Variants in ANPEP observed in about 807,000 individuals in gnomAD.
The protein encoded by ANPEP is aminopeptidase N.
ANPEP carries 70 observed loss-of-function variants against 114.6 expected under a neutral mutation model. The observed-to-expected ratio is 0.61, with a 90% CI of 0.50 to 0.75. ANPEP has a LOEUF of 0.75. Ranked by LOEUF, ANPEP falls within the 30% of genes least tolerant of loss-of-function variation. The pLI, the probability that ANPEP is intolerant of heterozygous loss-of-function variation, is 0.00. For missense variants in ANPEP, 1,184 were observed against 1,259.5 expected (o/e 0.94, Z 0.91); for synonymous variants, 548 against 522.3 (o/e 1.05, Z -0.67).
rs1226228894 is a variant in ANPEP, at chr15:89,793,056, A to T, written c.2228T>A (p.Ile743Asn). The change falls in exon 16 of 21, where the codon ATC (isoleucine) becomes AAC (asparagine). Residue 743 changes from isoleucine to asparagine, a missense_variant. By Grantham distance (149) the Ile-to-Asn change is moderately radical (BLOSUM62 -3). Transcript: ENST00000300060. The part of the protein sequence containing the change: ...FRNNTNNWRE[I>N]PENLMDQYSE... Reference sequence around the variant, plus strand: ...TCACTGGTCCATCAGGTTTTCTGGGATCTCCCTCCAGTTGTTGGTATTATT... The same window carrying T: ...TCACTGGTCCATCAGGTTTTCTGGGTTCTCCCTCCAGTTGTTGGTATTATT... 6.2e-7 allele frequency: 1 copy of T among 1,614,020 alleles called. No individual in the cohort carries two copies. The highest frequency in any genetic ancestry group is 8.5e-7 in the Non-Finnish European group (1 of 1,180,000).
At chr15:89,814,507 C>G (rs867854387) in intron 1 of ANPEP, among the ~76,000 whole-genome samples, 84 of 152,250 alleles carry the variant, frequency 5.5e-4, no homozygotes, top group Middle Eastern at 6.8e-3. Flanking sequence ...CTGGGGCCCC[C>G]TCCCCAGATG....
chr15:89,803,661 T>C lies in ANPEP; in HGVS notation c.1423A>G (p.Ile475Val). The C allele has an allele frequency of 6.2e-7, 1 of 1,611,796 alleles. No individual in the cohort carries two copies. Among genetic ancestry groups the C allele is most frequent in the Non-Finnish European group, 8.5e-7 (1 of 1,178,746 alleles). Reference sequence around the variant, plus strand: ...GCGGGCTGCACCTTGCTGTAGGAGATGGCGTCAAACAGCTCACTGATCTGG... The same window carrying C: ...GCGGGCTGCACCTTGCTGTAGGAGACGGCGTCAAACAGCTCACTGATCTGG... ...PAQISELFDA[I>V]SYSKGASVLR... Residue 475 changes from isoleucine (I) to valine (V), a missense_variant, in exon 8 of 21, where the codon ATC becomes GTC. Ile to Val is a conservative substitution (Grantham distance 29, BLOSUM62 3). Transcript: ENST00000300060. This position sits in a 1 kb window ranked among gnomAD's most constrained non-coding sequence, Gnocchi z 4.2.
At chr15:89,801,354 A>T (rs1399222185) in intron 11 of ANPEP, 81 bp downstream of exon 11, 1 of 1,570,576 alleles carries the variant, frequency 6.4e-7, no homozygotes, top group African/African-American at 1.3e-5. Context: ...GGACCACAGG[A>T]GGCCAGTCCT....
rs759489673 is a variant in ANPEP, at chr15:89,806,429, G to A, written c.155C>T (p.Ser52Phe). The change falls in exon 2 of 21, where the codon TCC becomes TTC. Residue 52 changes from serine to phenylalanine, a missense_variant. By Grantham distance (155) the Ser-to-Phe change is radical. Coordinates refer to ENST00000300060, the MANE Select transcript of ANPEP (RefSeq NM_001150.3). The surrounding 1 kb of genome is among the most constrained non-coding windows in gnomAD (Gnocchi z 5.7). Reference protein sequence around the residue: ...NSSPVASTTPSASATTNPASA... With the variant: ...NSSPVASTTPFASATTNPASA... The stretch of plus-strand genomic sequence containing the variant: ...GGCGGGGTTGGTGGTGGCTGAGGCG[G>A]ACGGGGTGGTGGAGGCCACGGGGGA... The A allele has an allele frequency of 6.2e-7, 1 of 1,614,134 alleles. No homozygotes were observed. The highest frequency in any genetic ancestry group is 1.3e-5 in the African/African-American group (1 of 75,030).
Position 89,803,842 on chromosome 15 carries a change from G to A in ANPEP, c.1293+47C>T. ...GACTGGCCTGGTAGCGGTGGCCCAG[G>A]TCTCCCTCCATGCCCCCCGCACCAG... On this transcript the variant is annotated intron_variant, in intron 7 of 20. Coordinates refer to ENST00000300060, the MANE Select transcript of ANPEP (RefSeq NM_001150.3). The surrounding 1 kb of genome is among the most constrained non-coding windows in gnomAD (Gnocchi z 4.2). 4 of 1,613,276 alleles carry A rather than the reference G, an allele frequency of 2.5e-6. No individual in the cohort carries two copies. Among genetic ancestry groups the A allele is most frequent in the Non-Finnish European group, 3.4e-6 (4 of 1,179,428 alleles).
rs769247114 is a variant in ANPEP at position 89,801,549 on chromosome 15, C to T, written c.1628G>A (p.Trp543Ter). 1 of 1,614,178 alleles carries T rather than the reference C, an allele frequency of 6.2e-7. No individual in the cohort carries two copies. Among genetic ancestry groups the T allele is most frequent in the South Asian group, 1.1e-5 (1 of 91,078 alleles). ...GACCGGGAAGCCCATCTGCAGGGTC[C>T]AGCGGTTCATGATGTCCCGCACGGT... ...PTTVRDIMNR[W>*]TLQMGFPVIT... The change falls in exon 11 of 21, where the codon TGG (tryptophan) becomes TAG (stop). Residue 543 changes from tryptophan to a stop codon, truncating the protein, a stop_gained. Coordinates refer to ENST00000300060, the MANE Select transcript of ANPEP (RefSeq NM_001150.3). LOFTEE classifies it high-confidence loss of function.
At chr15:89,797,505 A>G in intron 15 of ANPEP, 70 bp downstream of exon 15, 1 of 1,536,454 alleles carries the variant, frequency 6.5e-7, no homozygotes, top group East Asian at 2.3e-5. Context: ...ATAGTCTATT[A>G]ACTTCCTAAT....
chr15:89,799,623 T>C lies in ANPEP; in HGVS notation c.1820-64A>G. On this transcript the variant is annotated intron_variant, in intron 12 of 20. Coordinates refer to ENST00000300060, the MANE Select transcript of ANPEP (RefSeq NM_001150.3). The surrounding 1 kb of genome is among the most constrained non-coding windows in gnomAD (Gnocchi z 4.2). ...GGCCATGGGCTGACCCCTGGACCTC[T>C]TGCAAGAGCAGCTGCCCCCGCAGCC... 4 of 1,604,734 alleles carry C rather than the reference T, an allele frequency of 2.5e-6. No homozygotes were observed. Among genetic ancestry groups the C allele is most frequent in the Non-Finnish European group, 3.4e-6 (4 of 1,174,066 alleles).
At chr15:89,787,171 G>A (rs906182032) in intron 20 of ANPEP, among the ~76,000 whole-genome samples, 3 of 147,960 alleles carry the variant, frequency 2.0e-5, no homozygotes, top group Non-Finnish European at 3.0e-5. Flanking sequence ...TCAGCCTCCC[G>A]AGTAGCTGGG....
At position 89,790,527 on chromosome 15, in the gene ANPEP, G is replaced by C. The variant is rs756198835; in HGVS notation, c.2684C>G (p.Ser895Trp). ...KKLFNDYGGG[S>W]FSFSNLIQAV... Reference sequence around the variant, plus strand: ...CTGGATGAGGTTGGAGAAGGAGAACGAGCCACCACCATAACTGCAGGGAGG... The same window carrying C: ...CTGGATGAGGTTGGAGAAGGAGAACCAGCCACCACCATAACTGCAGGGAGG... The change falls in exon 20 of 21, where the codon TCG becomes TGG. Residue 895 changes from serine (S) to tryptophan (W), a missense_variant. Ser to Trp is a radical substitution (Grantham distance 177). Coordinates refer to ENST00000300060, the MANE Select transcript of ANPEP (RefSeq NM_001150.3). 3 of 1,613,948 alleles carry C rather than the reference G, an allele frequency of 1.9e-6. No individual in the cohort carries two copies. The highest frequency in any genetic ancestry group is 2.2e-5 in the South Asian group (2 of 91,062).
At chr15:89,791,580 G>T (rs1230367732) in intron 18 of ANPEP, among the ~76,000 whole-genome samples, 1 of 151,590 alleles carries the variant, frequency 6.6e-6, no homozygotes, top group African/African-American at 2.4e-5. Context: ...TGGGATTACA[G>T]GCATGTGCCA....
chr15:89,790,393 G>C, intron 20 of ANPEP, 67 bp downstream of exon 20: 1 of 1,474,446 alleles, frequency 6.8e-7, no homozygotes, highest in African/African-American at 1.4e-5. Flanking sequence ...CGTGGGAGAA[G>C]AATGGAGTGC....
intron 14 of ANPEP, among the ~76,000 whole-genome samples, chr15:89,798,173 T>A (rs1017807381): frequency 6.6e-6 from 1 of 152,236 alleles, no homozygotes; most frequent in Non-Finnish European, 1.5e-5. Flanking sequence ...AGCTCACAAA[T>A]GTCCTTGTCT....
At chr15:89,807,925 G>A (rs1158189824) in intron 1 of ANPEP, among the ~76,000 whole-genome samples, 1 of 152,102 alleles carries the variant, frequency 6.6e-6, no homozygotes, top group Non-Finnish European at 1.5e-5. Context: ...CCCATCGCAA[G>A]ATGCACTTGG....
chr15:89,791,220 G>T, intron 18 of ANPEP, 127 bp from the exon 19 acceptor site: 2 of 1,084,240 alleles, frequency 1.8e-6, no homozygotes, highest in Non-Finnish European at 1.3e-6. Flanking sequence ...CAGGGGCTGA[G>T]GGACCCCTTG....
At chr15:89,787,515 C>A (rs1250481387) in intron 20 of ANPEP, among the ~76,000 whole-genome samples, 1 of 152,112 alleles carries the variant, frequency 6.6e-6, no homozygotes, top group Non-Finnish European at 1.5e-5. Flanking sequence ...AATAGGATTT[C>A]ATCAAGATTT....
chr15:89,804,150 C>T, intron 6 of ANPEP, 103 bp downstream of exon 6: 1 of 1,571,258 alleles, frequency 6.4e-7, no homozygotes. Flanking sequence ...TGCCAGGCGG[C>T]ACCCTCCTCC....
intron 1 of ANPEP, among the ~76,000 whole-genome samples, chr15:89,813,874 C>T (rs145514654): frequency 5.3e-5 from 8 of 152,270 alleles, no homozygotes; most frequent in Admixed American, 2.0e-4. Flanking sequence ...GCTCTGACCA[C>T]CCCCGAACAC....
chr15:89,793,252 C>T (rs372879308), intron 15 of ANPEP, 126 bp from the exon 16 acceptor site: 1 of 728,342 alleles, frequency 1.4e-6, no homozygotes, highest in African/African-American at 1.8e-5. Flanking sequence ...TCACCTGAGG[C>T]CAAACAGTGC....
Sources: allele counts gnomAD v4.1 joint callset (sites outside exome capture counted in the v4.1 genomes callset), GRCh38; gene constraint gnomAD v4.1.1; non-coding constraint Gnocchi (gnomAD v3.1); transcripts MANE v1.5; gene names NCBI Gene and HGNC (gene_info 2026-07-23, HGNC 2026-07-21).